The following DPP10 variants were observed in gnomAD, a reference collection of about 807,000 sequenced individuals.
The protein encoded by DPP10 is inactive dipeptidyl peptidase 10.
In DPP10, 33 loss-of-function variants were observed where a neutral mutation model predicts 120.9. The observed-to-expected ratio is 0.27, with a 90% CI of 0.21 to 0.37. DPP10 has a LOEUF of 0.37. Ranked by LOEUF, DPP10 falls within the 10% of genes least tolerant of loss-of-function variation. DPP10 has a pLI of 1.00. For missense variants in DPP10, 816 were observed against 942.8 expected (o/e 0.87, Z 1.76); for synonymous variants, 337 against 326.1 (o/e 1.03, Z -0.36).
chr2:115,566,457 A>G (rs988643045), intron 5 of DPP10, among the ~76,000 whole-genome samples: 14 of 152,058 alleles, frequency 9.2e-5, no homozygotes, highest in Middle Eastern at 3.4e-3. Flanking sequence ...TTATGTTACT[A>G]TAGACTCGTG....
At chr2:114,548,300 T>A (rs369139467) in intron 1 of DPP10, among the ~76,000 whole-genome samples, 1 of 152,174 alleles carries the variant, frequency 6.6e-6, no homozygotes, top group Admixed American at 6.5e-5. Context: ...CATAGCACCA[T>A]GCTCAGAAAT....
At chr2:115,299,634 A>G (rs780598574) in intron 1 of DPP10, among the ~76,000 whole-genome samples, 12 of 152,136 alleles carry the variant, frequency 7.9e-5, no homozygotes, top group East Asian at 1.9e-4. Context: ...TATAAATTCA[A>G]TCTATAAAAT....
chr2:115,572,060 TA>T (rs1170662012), intron 5 of DPP10, among the ~76,000 whole-genome samples: 3 of 152,168 alleles, frequency 2.0e-5, no homozygotes, highest in Non-Finnish European at 2.9e-5. Flanking sequence ...TGTACTTTTT[TA>T]AAAGCTTGAT....
chr2:115,543,582 T>C (rs1261809775), intron 5 of DPP10, among the ~76,000 whole-genome samples: 2 of 152,050 alleles, frequency 1.3e-5, no homozygotes, highest in Non-Finnish European at 2.9e-5. Flanking sequence ...TTTGGTGTTT[T>C]ACATGTATTT....
At chr2:114,723,776 A>G (rs1701862808) in intron 1 of DPP10, among the ~76,000 whole-genome samples, 1 of 152,134 alleles carries the variant, frequency 6.6e-6, no homozygotes, top group African/African-American at 2.4e-5. Flanking sequence ...GGAATTCAAA[A>G]ACTCTCAGAA....
At chr2:114,925,243 A>G (rs1695535620) in intron 1 of DPP10, among the ~76,000 whole-genome samples, 1 of 149,458 alleles carries the variant, frequency 6.7e-6, no homozygotes, top group Non-Finnish European at 1.5e-5. Context: ...TCAGTCAGGT[A>G]GTGATTAAGC....
At chr2:114,916,986 A>T (rs1177500028) in intron 1 of DPP10, among the ~76,000 whole-genome samples, 3 of 152,206 alleles carry the variant, frequency 2.0e-5, no homozygotes, top group African/African-American at 7.2e-5. Context: ...AGGCAAGAGA[A>T]AGAAGTAAAA....
intron 19 of DPP10, among the ~76,000 whole-genome samples, chr2:115,813,234 G>C (rs1686856943): frequency 6.8e-6 from 1 of 146,750 alleles, no homozygotes; most frequent in African/African-American, 2.7e-5. Context: ...ACCCGCCTCG[G>C]CCTGACTGGA....
intron 3 of DPP10, among the ~76,000 whole-genome samples, chr2:115,459,085 C>T (rs1042576682): frequency 5.3e-5 from 8 of 151,844 alleles, no homozygotes; most frequent in Non-Finnish European, 7.4e-5. Context: ...TAAACTTAGA[C>T]GTACTGTTGG....
chr2:114,966,665 A>G (rs146000560), intron 1 of DPP10, among the ~76,000 whole-genome samples: 1 of 152,344 alleles, frequency 6.6e-6, no homozygotes, highest in East Asian at 1.9e-4. Flanking sequence ...ACCACACACA[A>G]CAATGCAAAA....
chr2:114,488,215 C>T (rs1681676251), intron 1 of DPP10, among the ~76,000 whole-genome samples: 1 of 152,204 alleles, frequency 6.6e-6, no homozygotes, highest in Non-Finnish European at 1.5e-5. Context: ...GGCTGAGTTA[C>T]TCTGGCCTAG....
intron 1 of DPP10, among the ~76,000 whole-genome samples, chr2:114,682,338 T>A (rs1699079573): frequency 6.6e-6 from 1 of 152,020 alleles, no homozygotes; most frequent in Non-Finnish European, 1.5e-5. Context: ...AAGTTCCAGC[T>A]GGCATTTGAA....
chr2:114,480,654 C>A (rs1680945697), intron 1 of DPP10, among the ~76,000 whole-genome samples: 1 of 132,342 alleles, frequency 7.6e-6, no homozygotes, highest in Admixed American at 9.9e-5. Flanking sequence ...GGGAATTGAG[C>A]AAAGAGAACA....
At chr2:115,414,949 G>T (rs1471542764) in intron 3 of DPP10, among the ~76,000 whole-genome samples, 1 of 152,130 alleles carries the variant, frequency 6.6e-6, no homozygotes, top group African/African-American at 2.4e-5. Flanking sequence ...AACCATATTT[G>T]TTAAGATGCA....
At chr2:115,046,110 T>C (rs1705052343) in intron 1 of DPP10, among the ~76,000 whole-genome samples, 1 of 152,138 alleles carries the variant, frequency 6.6e-6, no homozygotes, top group Non-Finnish European at 1.5e-5. Flanking sequence ...AAAGCAATGA[T>C]AATCAACATT....
At chr2:115,750,261 A>G (rs1206942363) in intron 10 of DPP10, 47 of 948,466 alleles carry the variant, frequency 5.0e-5, no homozygotes, top group Non-Finnish European at 5.9e-5. Flanking sequence ...AAGATCAGTC[A>G]ATATGAATCA....
At chr2:115,548,996 C>T (rs1013192365) in intron 5 of DPP10, among the ~76,000 whole-genome samples, 3 of 152,134 alleles carry the variant, frequency 2.0e-5, no homozygotes, top group African/African-American at 4.8e-5. Context: ...CCATCACCAT[C>T]ACTTACCCAA....
intron 5 of DPP10, among the ~76,000 whole-genome samples, chr2:115,665,444 A>C (rs1181183133): frequency 1.3e-5 from 2 of 152,208 alleles, no homozygotes; most frequent in Non-Finnish European, 2.9e-5. Context: ...AAAGTGTGAA[A>C]AAAGTGTGCA....
chr2:114,681,543 C>T (rs1699026559), intron 1 of DPP10, among the ~76,000 whole-genome samples: 1 of 152,014 alleles, frequency 6.6e-6, no homozygotes, highest in Non-Finnish European at 1.5e-5. Context: ...CTCATTACAA[C>T]TGTATTCCTG....
Sources: gnomAD v4.1 joint callset for allele counts (sites outside exome capture counted in the v4.1 genomes callset) on GRCh38, gnomAD v4.1.1 for gene constraint, MANE v1.5 for transcripts, NCBI Gene and HGNC (gene_info 2026-07-23, HGNC 2026-07-21) for gene names.